Variants in APBA1 observed in about 807,000 individuals in gnomAD.
The protein encoded by APBA1 is amyloid-beta A4 precursor protein-binding family A member 1.
APBA1 carries 55 observed loss-of-function variants against 86.6 expected under a neutral mutation model. The observed-to-expected ratio is 0.64, with a 90% CI of 0.51 to 0.80. The LOEUF is 0.80. Among genes scored for constraint, APBA1 ranks in the 30% least tolerant of loss-of-function variants. APBA1 has a pLI of 0.00. For synonymous variants in APBA1, 511 were observed against 493.9 expected (o/e 1.03, Z -0.46); for missense variants, 1,090 against 1,183.0 (o/e 0.92, Z 1.15).
chr9:69,636,922 G>GGAAAGAAA lies in APBA1; in HGVS notation c.-70+35223_-70+35230dup, dbSNP rs1164309911. ...AGGAAGGAAGGAAGGAAGGAAGGAA[G>GGAAAGAAA]GAAAGAAAGAAAGAAAGAAAGAAAG... On this transcript the variant is annotated intron_variant, in intron 1 of 12. Transcript: ENST00000265381. Among the ~76,000 whole-genome samples, 359 of 63,904 alleles carry GGAAAGAAA rather than the reference G, an allele frequency of 5.6e-3. 7 individuals carry two copies. The highest frequency in any genetic ancestry group is 0.016 in the African/African-American group (244 of 14,872). 41.9% of individuals were successfully genotyped at this position (63,904 alleles called of 152,430 possible).
At chr9:69,623,523 A>T (rs1228029912) in intron 1 of APBA1, among the ~76,000 whole-genome samples, 2 of 152,158 alleles carry the variant, frequency 1.3e-5, no homozygotes. Flanking sequence ...CAGGAAGTGG[A>T]TGGGTCAAAG....
At chr9:69,529,564 G>A (rs1337474122) in intron 1 of APBA1, among the ~76,000 whole-genome samples, 1 of 152,044 alleles carries the variant, frequency 6.6e-6, no homozygotes, top group Non-Finnish European at 1.5e-5. Context: ...AAAGAGATAT[G>A]GTATCTGCAT....
chr9:69,444,365 A>AGAT (rs1339647959), intron 10 of APBA1, among the ~76,000 whole-genome samples: 1 of 152,160 alleles, frequency 6.6e-6, no homozygotes, highest in Non-Finnish European at 1.5e-5. Context: ...CGACAAAGGG[A>AGAT]GATGCTCTGG....
chr9:69,653,803 A>G (rs1049712580), intron 1 of APBA1, among the ~76,000 whole-genome samples: 1 of 152,218 alleles, frequency 6.6e-6, no homozygotes, highest in Non-Finnish European at 1.5e-5. Flanking sequence ...ATACAGCAAA[A>G]GCAGTTCTAA....
intron 5 of APBA1, chr9:69,464,206 G>A (rs944021553): frequency 3.9e-5 from 6 of 152,164 alleles, no homozygotes; most frequent in African/African-American, 1.2e-4. Flanking sequence ...ACTTAAACAG[G>A]CATCTCCATT....
At chr9:69,466,658 C>A (rs1236926646) in intron 5 of APBA1, among the ~76,000 whole-genome samples, 2 of 152,208 alleles carry the variant, frequency 1.3e-5, no homozygotes, top group Non-Finnish European at 2.9e-5. Flanking sequence ...TGTTTTTCCT[C>A]CCTGCCAAGA....
intron 3 of APBA1, among the ~76,000 whole-genome samples, chr9:69,472,300 G>A (rs1321643370): frequency 1.3e-5 from 2 of 152,208 alleles, no homozygotes. Context: ...TCAGAGCAAA[G>A]GTCAGCGTTC....
Position 69,666,471 on chromosome 9 carries a change from ATTAC to A in APBA1, c.-70+5678_-70+5681del, listed in dbSNP as rs1392294197. Among the ~76,000 whole-genome samples the A allele has an allele frequency of 2.6e-5, 4 of 151,862 alleles. No individual in the cohort carries two copies. The East Asian group carries it at 7.7e-4, about 29-fold the overall frequency. On this transcript the variant is annotated intron_variant, in intron 1 of 12. Transcript: ENST00000265381. Reference sequence around the variant, plus strand: ...CACTTACCACCTGGCATATTATGTAATTACTTATTTATTTATTTTTAATCTCCTT... The same window carrying A: ...CACTTACCACCTGGCATATTATGTAATTATTTATTTATTTTTAATCTCCTT...
intron 2 of APBA1, chr9:69,494,626 A>G (rs899450790): frequency 2.6e-5 from 4 of 152,160 alleles, no homozygotes; most frequent in African/African-American, 9.7e-5. Flanking sequence ...ATGCGCTACA[A>G]TTTGGAAAAA....
chr9:69,603,290 A>C (rs548684113), intron 1 of APBA1, among the ~76,000 whole-genome samples: 60 of 152,400 alleles, frequency 3.9e-4, no homozygotes, highest in Non-Finnish European at 6.0e-4. Flanking sequence ...TCTGAGCCCC[A>C]GTCAATGATA....
At chr9:69,475,237 C>T (rs912549889) in intron 3 of APBA1, among the ~76,000 whole-genome samples, 2 of 152,186 alleles carry the variant, frequency 1.3e-5, no homozygotes, top group Admixed American at 1.3e-4. Flanking sequence ...GCAAGGCGAC[C>T]ACAGAATTTG....
intron 4 of APBA1, among the ~76,000 whole-genome samples, chr9:69,468,549 A>G (rs1835317309): frequency 6.6e-6 from 1 of 152,230 alleles, no homozygotes; most frequent in African/African-American, 2.4e-5. Context: ...TCTGACCTCA[A>G]TTGTGCAAGA....
At chr9:69,432,463 C>A (rs528756559) in intron 12 of APBA1, 73 bp downstream of exon 12, 17 of 1,386,514 alleles carry the variant, frequency 1.2e-5, no homozygotes, top group Middle Eastern at 2.2e-4. Flanking sequence ...CTGCTCAGGG[C>A]CACGGTGAGC....
intron 1 of APBA1, among the ~76,000 whole-genome samples, chr9:69,639,232 T>C (rs79320357): frequency 0.027 from 4,118 of 152,278 alleles, 84 homozygotes; most frequent in Non-Finnish European, 0.035. Flanking sequence ...TTTTTCTCTT[T>C]TAAAAGGGAG....
At chr9:69,588,314 C>G (rs1308125516) in intron 1 of APBA1, among the ~76,000 whole-genome samples, 1 of 151,552 alleles carries the variant, frequency 6.6e-6, no homozygotes, top group Non-Finnish European at 1.5e-5. Flanking sequence ...AATTAAAGAG[C>G]TACAAATGAA....
intron 12 of APBA1, among the ~76,000 whole-genome samples, chr9:69,432,020 G>C (rs765966791): frequency 6.6e-5 from 10 of 152,222 alleles, no homozygotes; most frequent in African/African-American, 1.2e-4. Context: ...AGTGATGAAT[G>C]ACAGCAGTGA....
At position 69,603,465 on chromosome 9, in the gene APBA1, A is replaced by C. The variant is rs186879650; in HGVS notation, c.-70+68688T>G. Among the ~76,000 whole-genome samples, 626 of 152,364 alleles carry C rather than the reference A, an allele frequency of 4.1e-3. 3 individuals carry two copies. The highest frequency in any genetic ancestry group is 6.7e-3 in the Non-Finnish European group (456 of 68,034). The stretch of plus-strand genomic sequence containing the variant: ...CACTTCAAAATTTTTGCTGAAGCTC[A>C]GACAATCACTGCTCCAAAGTGACCA... On this transcript the variant is annotated intron_variant, in intron 1 of 12. Transcript: ENST00000265381.
At chr9:69,578,772 C>A (rs1243297885) in intron 1 of APBA1, among the ~76,000 whole-genome samples, 2 of 152,198 alleles carry the variant, frequency 1.3e-5, no homozygotes, top group Non-Finnish European at 2.9e-5. Flanking sequence ...TAGCTTAGCA[C>A]ACAAAATCTG....
At chr9:69,633,742 G>T (rs1279938416) in intron 1 of APBA1, among the ~76,000 whole-genome samples, 1 of 152,142 alleles carries the variant, frequency 6.6e-6, no homozygotes, top group Non-Finnish European at 1.5e-5. Context: ...TTCTAAGCTG[G>T]TCTAGCAGAA....
Sources: allele counts gnomAD v4.1 joint callset (sites outside exome capture counted in the v4.1 genomes callset), GRCh38; gene constraint gnomAD v4.1.1; transcripts MANE v1.5; gene names NCBI Gene and HGNC (gene_info 2026-07-23, HGNC 2026-07-21).